The following ARIH1 variants were observed in gnomAD, a reference collection of about 807,000 sequenced individuals.
ARIH1 encodes the protein E3 ubiquitin-protein ligase ARIH1.
A neutral mutation model predicts 85.0 loss-of-function variants in ARIH1; 8 were observed. The ratio of observed to expected loss-of-function variants is 0.09; its 90% confidence interval spans 0.06 to 0.17. The LOEUF (loss-of-function observed/expected upper bound fraction) is 0.17. Ranked by LOEUF, ARIH1 falls within the 10% of genes least tolerant of loss-of-function variation. The pLI is 1.00. For synonymous variants in ARIH1, 238 were observed against 253.6 expected (o/e 0.94, Z 0.59); for missense variants, 311 against 718.1 (o/e 0.43, Z 6.48).
intron 2 of ARIH1, among the ~76,000 whole-genome samples, chr15:72,540,871 A>T (rs996268952): frequency 1.4e-4 from 22 of 152,158 alleles, no homozygotes; most frequent in African/African-American, 5.3e-4. Context: ...AATATACGCT[A>T]TTTTTAAAAA....
intron 1 of ARIH1, among the ~76,000 whole-genome samples, chr15:72,499,176 A>G (rs1436315292): frequency 6.6e-6 from 1 of 151,830 alleles, no homozygotes; most frequent in African/African-American, 2.4e-5. Context: ...GGGTTTCACC[A>G]TGTTGGTCAG....
Position 72,597,186 on chromosome 15 carries a change from T to C in ARIH1, c.*13894T>C, listed in dbSNP as rs566462870. On this transcript the variant is annotated 3_prime_UTR_variant, in exon 14 of 14. Transcript: ENST00000379887. ...GCCCTTTGTTTTTTTTTCAGGCCAC[T>C]TGAATGGTGGCTCAATCTGATGTAT... 3.3e-5 allele frequency: 5 copies of C among 150,578 alleles called. No homozygotes were observed. Among genetic ancestry groups the C allele is most frequent in the African/African-American group, 7.3e-5 (3 of 41,032 alleles). 9.3% of individuals were successfully genotyped at this position (150,578 alleles called of 1,614,324 possible).
At chr15:72,581,789 C>G (rs1022123445) in intron 12 of ARIH1, 1 of 236,624 alleles carries the variant, frequency 4.2e-6, no homozygotes, top group African/African-American at 2.3e-5. Context: ...GCTCTCAGAA[C>G]GAGAAGATTC....
In ARIH1 at chr15:72,590,500, G is replaced by A. The variant is rs1053125554; in HGVS notation, c.*7208G>A. ...TCTAGCATTTTAATGAGTTAAGCAAGCCAGCCCTGCATTTCCAAACCCTTC... is the reference window on the plus strand; with the variant it reads ...TCTAGCATTTTAATGAGTTAAGCAAACCAGCCCTGCATTTCCAAACCCTTC... On this transcript the variant is annotated 3_prime_UTR_variant, in exon 14 of 14. Coordinates refer to ENST00000379887, the MANE Select transcript of ARIH1 (RefSeq NM_005744.5). The A allele has an allele frequency of 6.6e-6, 1 of 152,242 alleles. No homozygotes were observed. The highest frequency in any genetic ancestry group is 1.5e-5 in the Non-Finnish European group (1 of 68,082). 9.4% of individuals were successfully genotyped at this position (152,242 alleles called of 1,614,324 possible). A position where few individuals can be genotyped will look rare whatever the true frequency, so the allele number is the denominator to read the frequency against.
intron 2 of ARIH1, among the ~76,000 whole-genome samples, chr15:72,544,440 T>A (rs2140423705): frequency 6.6e-6 from 1 of 152,254 alleles, no homozygotes. Flanking sequence ...TCCTTAAGTT[T>A]TAGTTGCAGT....
chr15:72,482,839 CTTTTTTTTTT>C (rs34753101), intron 1 of ARIH1, among the ~76,000 whole-genome samples: 1 of 132,182 alleles, frequency 7.6e-6, no homozygotes, highest in African/African-American at 2.9e-5. Flanking sequence ...CTCTCTCTCT[CTTTTTTTTTT>C]TTTTTTTTAA....
chr15:72,549,618 A>T (rs2064145029), intron 3 of ARIH1, among the ~76,000 whole-genome samples: 1 of 152,160 alleles, frequency 6.6e-6, no homozygotes, highest in African/African-American at 2.4e-5. Context: ...ACCGATTCCC[A>T]GGTCATTTGT....
At chr15:72,551,369 C>T (rs1377516006) in intron 3 of ARIH1, among the ~76,000 whole-genome samples, 4 of 152,002 alleles carry the variant, frequency 2.6e-5, no homozygotes, top group Admixed American at 1.3e-4. Flanking sequence ...GTAGACAGAG[C>T]GGTGGAACAG....
At chr15:72,542,988 C>T (rs2064114606) in intron 2 of ARIH1, among the ~76,000 whole-genome samples, 1 of 149,368 alleles carries the variant, frequency 6.7e-6, no homozygotes, top group South Asian at 2.2e-4. Flanking sequence ...GAGTGCAGTG[C>T]AGTGGCACCA....
chr15:72,474,536 C>T lies in ARIH1; in HGVS notation c.-104C>T. The stretch of plus-strand genomic sequence containing the variant: ...GCGGCTCGCGGGGCCGGAGCCAGGC[C>T]TGCGTCCGGACATCAGCCGGAGCCG... On this transcript the variant is annotated 5_prime_UTR_variant, in exon 1 of 14. Transcript: ENST00000379887. 7.2e-7 allele frequency: 1 copy of T among 1,381,720 alleles called. No homozygotes were observed. Among genetic ancestry groups the T allele is most frequent in the Non-Finnish European group, 9.5e-7 (1 of 1,055,898 alleles). 85.6% of individuals were successfully genotyped at this position (1,381,720 alleles called of 1,614,324 possible). A position where few individuals can be genotyped will look rare whatever the true frequency, so the allele number is the denominator to read the frequency against.
chr15:72,571,068 G>A (rs2064242731), intron 10 of ARIH1, among the ~76,000 whole-genome samples: 1 of 146,762 alleles, frequency 6.8e-6, no homozygotes, highest in Non-Finnish European at 1.5e-5. Context: ...GGTGGAGGTT[G>A]CACTGAACCA....
chr15:72,494,701 G>T (rs757384886), intron 1 of ARIH1, among the ~76,000 whole-genome samples: 3 of 151,906 alleles, frequency 2.0e-5, no homozygotes, highest in African/African-American at 4.8e-5. Flanking sequence ...AGAACAGGAC[G>T]GGATTAGGAA....
chr15:72,495,232 G>A (rs1406080901), intron 1 of ARIH1, among the ~76,000 whole-genome samples: 1 of 152,176 alleles, frequency 6.6e-6, no homozygotes, highest in Non-Finnish European at 1.5e-5. Flanking sequence ...GAAATGGGGC[G>A]TGACTGCTAA....
intron 2 of ARIH1, among the ~76,000 whole-genome samples, chr15:72,531,235 T>C (rs2064055283): frequency 6.6e-6 from 1 of 152,058 alleles, no homozygotes; most frequent in African/African-American, 2.4e-5. Context: ...TTATGAAATA[T>C]GGTAAAAAGA....
rs1311813104 is a variant in ARIH1, at chr15:72,588,049, T to C, written c.*4757T>C. On this transcript the variant is annotated 3_prime_UTR_variant, in exon 14 of 14. Transcript: ENST00000379887. ...TTTGTATATCAGTCACACATTGATATGTAGCAGCTCTATCAATACCACAAC... is the reference window on the plus strand; with the variant it reads ...TTTGTATATCAGTCACACATTGATACGTAGCAGCTCTATCAATACCACAAC... 6.6e-6 allele frequency: 1 copy of C among 152,206 alleles called. No individual in the cohort carries two copies. The allele number at this position is 152,206 out of a possible 1,614,324, so 9.4% of individuals were successfully genotyped here.
At chr15:72,530,403 T>C (rs2064050804) in intron 2 of ARIH1, among the ~76,000 whole-genome samples, 1 of 152,090 alleles carries the variant, frequency 6.6e-6, no homozygotes, top group South Asian at 2.1e-4. Flanking sequence ...GAGGGGGAAG[T>C]TGGAATATTA....
chr15:72,584,818 T>A lies in ARIH1; in HGVS notation c.*1526T>A, dbSNP rs191147934. 5 of 151,908 alleles carry A rather than the reference T, an allele frequency of 3.3e-5. No homozygotes were observed. Among genetic ancestry groups the A allele is most frequent in the Non-Finnish European group, 7.4e-5 (5 of 67,966 alleles). The allele number at this position is 151,908 out of a possible 1,614,324, so 9.4% of individuals were successfully genotyped here. A position where few individuals can be genotyped will look rare whatever the true frequency, so the allele number is the denominator to read the frequency against. ...TGGTTGTATTAACTATATACCTGTT[T>A]AGGCCATTCTGGCTGTGGTATTTTT... On this transcript the variant is annotated 3_prime_UTR_variant, in exon 14 of 14. Coordinates refer to ENST00000379887, the MANE Select transcript of ARIH1 (RefSeq NM_005744.5).
intron 2 of ARIH1, among the ~76,000 whole-genome samples, chr15:72,536,556 T>C (rs1262276535): frequency 6.6e-6 from 1 of 152,216 alleles, no homozygotes; most frequent in African/African-American, 2.4e-5. Flanking sequence ...CAATTTACTG[T>C]TCACTTGGCT....
intron 3 of ARIH1, among the ~76,000 whole-genome samples, chr15:72,548,407 TAGG>T (rs2064138715): frequency 6.6e-6 from 1 of 151,350 alleles, no homozygotes; most frequent in African/African-American, 2.4e-5. Context: ...AGGAGTGAGG[TAGG>T]ATGGGAAACC....
Sources: allele counts gnomAD v4.1 joint callset (sites outside exome capture counted in the v4.1 genomes callset), GRCh38; gene constraint gnomAD v4.1.1; transcripts MANE v1.5; gene names NCBI Gene and HGNC (gene_info 2026-07-23, HGNC 2026-07-21).